Variants in CLASRP observed in about 807,000 individuals in gnomAD.
CLASRP encodes the protein CLK4-associating serine/arginine rich protein.
CLASRP carries 52 observed loss-of-function variants against 99.9 expected under a neutral mutation model. The ratio of observed to expected loss-of-function variants is 0.52; its 90% CI spans 0.42 to 0.66. CLASRP has a LOEUF of 0.66. Ranked by LOEUF, CLASRP falls within the 30% of genes least tolerant of loss-of-function variation. The pLI is 0.00. For synonymous variants in CLASRP, 379 were observed against 373.0 expected (o/e 1.02, Z -0.18); for missense variants, 848 against 999.2 (o/e 0.85, Z 2.04).
chr19:45,067,224 G>T lies in CLASRP; in HGVS notation c.1410-113G>T. ...GAGAGTAGCAGGAGAGGAGAGTCGA[G>T]CCTGTCACCCTGGGCCTTGCAGGAA... On this transcript the variant is annotated intron_variant, in intron 13 of 20. Transcript: ENST00000221455. This position sits in a 1 kb window ranked among gnomAD's most constrained non-coding sequence, Gnocchi z 4.9. The T allele has an allele frequency of 8.1e-7, 1 of 1,240,696 alleles. No homozygotes were observed. Among genetic ancestry groups the T allele is most frequent in the African/African-American group, 1.5e-5 (1 of 65,390 alleles). The allele number at this position is 1,240,696 out of a possible 1,614,324, so 76.9% of individuals were successfully genotyped here.
intron 4 of CLASRP, 48 bp downstream of exon 4, chr19:45,052,940 G>A (rs200356552): frequency 3.2e-6 from 5 of 1,556,218 alleles, no homozygotes; most frequent in East Asian, 2.3e-5. Context: ...ATACCCAGGA[G>A]CCCCTGTTCT....
At chr19:45,065,263 G>A (rs566762316) in intron 13 of CLASRP, among the ~76,000 whole-genome samples, 2 of 152,056 alleles carry the variant, frequency 1.3e-5, no homozygotes, top group East Asian at 1.9e-4. Flanking sequence ...GGTGGCACAC[G>A]CCTGTAGTCC....
Position 45,068,456 on chromosome 19 carries a change from A to G in CLASRP, c.1744A>G (p.Met582Val). ...LTPQEKLKLR[M>V]QKALNRQFKA... ...GCCTCAGGAGAAGCTGAAACTGAGG[A>G]TGCAGAAGGCGCTGAACAGGCAGTG... The change falls in exon 16 of 21, where the codon ATG (methionine) becomes GTG (valine). Residue 582 changes from methionine (M) to valine (V), a missense_variant. By Grantham distance (21) the Met-to-Val change is conservative. Coordinates refer to ENST00000221455, the MANE Select transcript of CLASRP (RefSeq NM_007056.3). 1.9e-6 allele frequency: 3 copies of G among 1,610,592 alleles called. No homozygotes were observed. Among genetic ancestry groups the G allele is most frequent in the Non-Finnish European group, 1.7e-6 (2 of 1,177,946 alleles).
intron 8 of CLASRP, 124 bp downstream of exon 8, chr19:45,059,488 A>G: frequency 5.1e-6 from 4 of 784,690 alleles, no homozygotes; most frequent in Non-Finnish European, 8.4e-6. Context: ...TGGGCCCAGG[A>G]CTTTACACAT....
Position 45,042,495 on chromosome 19 carries a change from A to C in CLASRP, c.99+2184A>C, listed in dbSNP as rs545407104. Among the ~76,000 whole-genome samples the C allele has an allele frequency of 3.6e-3, 551 of 151,606 alleles. 2 individuals carry two copies. Among genetic ancestry groups the C allele is most frequent in the African/African-American group, 0.013 (523 of 41,258 alleles). On this transcript the variant is annotated intron_variant, in intron 2 of 20. Transcript: ENST00000221455. ...AGCCTGGGCAACAGAGTGAGACTCC[A>C]TCTCAAAAAAAAAATTTATATATAT...
chr19:45,061,740 C>T (rs1001645334), intron 10 of CLASRP, among the ~76,000 whole-genome samples: 8 of 152,060 alleles, frequency 5.3e-5, no homozygotes, highest in Admixed American at 2.6e-4. Flanking sequence ...TCCCAGAGTG[C>T]TGGGATTACA....
Position 45,060,748 on chromosome 19 carries a change from G to A in CLASRP, c.863+121G>A, listed in dbSNP as rs934722966. 4.0e-6 allele frequency: 3 copies of A among 741,120 alleles called. No homozygotes were observed. Among genetic ancestry groups the A allele is most frequent in the South Asian group, 3.7e-5 (2 of 53,618 alleles). 45.9% of individuals were successfully genotyped at this position (741,120 alleles called of 1,614,324 possible). The stretch of plus-strand genomic sequence containing the variant: ...CTTGAGAAAGGAGTCTTTCTAGTGG[G>A]GCGATGCATGGCCATCGTGAAGGTT... On this transcript the variant is annotated intron_variant, in intron 10 of 20. Coordinates refer to ENST00000221455, the MANE Select transcript of CLASRP (RefSeq NM_007056.3). This position sits in a 1 kb window ranked among gnomAD's most constrained non-coding sequence, Gnocchi z 4.6.
At chr19:45,054,549 A>G (rs971794686) in intron 5 of CLASRP, among the ~76,000 whole-genome samples, 2 of 152,046 alleles carry the variant, frequency 1.3e-5, no homozygotes, top group African/African-American at 4.8e-5. Flanking sequence ...GCGCCTGGCC[A>G]TCACCCCATG....
chr19:45,063,651 T>C (rs1337427672), intron 11 of CLASRP, among the ~76,000 whole-genome samples: 3 of 151,886 alleles, frequency 2.0e-5, no homozygotes, highest in Admixed American at 6.6e-5. Context: ...GGTTTTGCCT[T>C]GTTGGCCAGG....
Position 45,059,265 on chromosome 19 carries a change from C to T in CLASRP, c.614-3C>T. The T allele has an allele frequency of 6.2e-7, 1 of 1,607,876 alleles. No homozygotes were observed. Among genetic ancestry groups the T allele is most frequent in the Non-Finnish European group, 8.5e-7 (1 of 1,176,924 alleles). On this transcript the variant is annotated splice_polypyrimidine_tract_variant and splice_region_variant and intron_variant, in intron 7 of 20. Transcript: ENST00000221455. The stretch of plus-strand genomic sequence containing the variant: ...GCTCCTGACAGCCTTTCTCTTGGTG[C>T]AGACGTGGAGGTGGACGTGGATGAA...
In CLASRP at chr19:45,062,228, A is replaced by G. The variant is rs751748382; in HGVS notation, c.905+33A>G. 4 of 1,244,288 alleles carry G rather than the reference A, an allele frequency of 3.2e-6. No individual in the cohort carries two copies. The Admixed American group carries it at 6.7e-5, about 21-fold the overall frequency. 77.1% of individuals were successfully genotyped at this position (1,244,288 alleles called of 1,614,324 possible). ...GCTCTGGAGGACCAGGGAATAGCAG[A>G]CAGGGAGCCTCCTGATGGGGACAGG... is the stretch of plus-strand genomic sequence containing the variant. On this transcript the variant is annotated intron_variant, in intron 11 of 20. Transcript: ENST00000221455.
chr19:45,052,877 C>A lies in CLASRP; in HGVS notation c.284C>A (p.Pro95His). 1 of 1,609,768 alleles carries A rather than the reference C, an allele frequency of 6.2e-7. No individual in the cohort carries two copies. Among genetic ancestry groups the A allele is most frequent in the Non-Finnish European group, 8.5e-7 (1 of 1,178,346 alleles). Residue 95 changes from proline (P) to histidine (H), a missense_variant, in exon 4 of 21, where the codon CCT (proline) becomes CAT (histidine). Physicochemically the swap from Pro to His is moderately conservative, Grantham distance 77. Around this residue, in one of 8 missense-constraint regions of CLASRP, gnomAD observed 54 missense variants for 38.7 expected, o/e 1.39. Coordinates refer to ENST00000221455, the MANE Select transcript of CLASRP (RefSeq NM_007056.3). ...HLDHIPDYTP[P>H]LLTTISPEQE... ...GACCACATCCCCGACTACACCCCCC[C>A]TCTGCTCACCACCATGTAAGCCACC...
chr19:45,053,122 A>C lies in CLASRP; in HGVS notation c.324A>C (p.Glu108Asp). The C allele has an allele frequency of 6.2e-7, 1 of 1,614,014 alleles. No individual in the cohort carries two copies. The highest frequency in any genetic ancestry group is 1.3e-5 in the African/African-American group (1 of 75,010). Residue 108 changes from glutamate (E) to aspartate (D), a missense_variant, in exon 5 of 21, where the codon GAA becomes GAC. By Grantham distance (45) the Glu-to-Asp change is conservative. This residue lies in a region of CLASRP where 54 missense variants were observed against 38.7 expected (regional missense o/e 1.39). Transcript: ENST00000221455. The part of the protein sequence containing the change: ...TTISPEQESD[E>D]RKCNYERYRG... ...GCTCCCCAGAACAGGAGTCGGACGA[A>C]CGGAAGTGTAACTACGAGCGCTACA...
rs906709447 is a variant in CLASRP, at chr19:45,064,497, C to T, written c.1276C>T (p.Arg426Cys). The part of the protein sequence containing the change: ...RSRSRSWSRS[R>C]SRSRRYSRSR... ...CCGGTCCCGCTCCTGGTCCCGCTCC[C>T]GCTCCCGCTCCCGGCGCTATTCCCG... is the stretch of plus-strand genomic sequence containing the variant. Residue 426 changes from arginine (R) to cysteine (C), a missense_variant, in exon 13 of 21, where the codon CGC becomes TGC. By Grantham distance (180) the Arg-to-Cys change is radical (BLOSUM62 -3). Coordinates refer to ENST00000221455, the MANE Select transcript of CLASRP (RefSeq NM_007056.3). The T allele has an allele frequency of 5.2e-6, 8 of 1,535,900 alleles. No homozygotes were observed. The highest frequency in any genetic ancestry group is 5.2e-6 in the Non-Finnish European group (6 of 1,145,632).
At chr19:45,050,350 T>G (rs544754066) in intron 2 of CLASRP, among the ~76,000 whole-genome samples, 2 of 152,266 alleles carry the variant, frequency 1.3e-5, no homozygotes, top group East Asian at 3.9e-4. Flanking sequence ...AAGATACCAC[T>G]TCACCCACAC....
Position 45,067,609 on chromosome 19 carries a change from T to A in CLASRP, c.1667+15T>A, listed in dbSNP as rs1487999573. 1 of 1,576,898 alleles carries A rather than the reference T, an allele frequency of 6.3e-7. No individual in the cohort carries two copies. Among genetic ancestry groups the A allele is most frequent in the Non-Finnish European group, 8.6e-7 (1 of 1,162,882 alleles). On this transcript the variant is annotated intron_variant, in intron 14 of 20. Transcript: ENST00000221455. The surrounding 1 kb of genome is among the most constrained non-coding windows in gnomAD (Gnocchi z 4.9). ...AAGCTGAAAAAGTGAGCGGGGCGGG[T>A]CTGGAGGAAGAGGGCTGCCAATCTC... is the stretch of plus-strand genomic sequence containing the variant.
At position 45,040,266 on chromosome 19, in the gene CLASRP, CT is replaced by C; in HGVS notation, c.55del (p.Tyr19ThrfsTer48). 6.2e-7 allele frequency: 1 copy of C among 1,612,468 alleles called. No individual in the cohort carries two copies. The highest frequency in any genetic ancestry group is 1.3e-5 in the African/African-American group (1 of 75,002). On this transcript the variant is annotated frameshift_variant, in exon 2 of 21. Coordinates refer to ENST00000221455, the MANE Select transcript of CLASRP (RefSeq NM_007056.3). LOFTEE classifies it high-confidence loss of function. ...GGAAGCTTCGAGGCATGATGGTCGA[CT>C]ACAAGAAGAGGGCGGAGCGGAGACG... ...ERKLRGMMVD[Y>X]KKRAERRREY...
intron 19 of CLASRP, 31 bp from the exon 20 acceptor site, chr19:45,070,506 G>C: frequency 6.2e-7 from 1 of 1,612,498 alleles, no homozygotes; most frequent in Admixed American, 1.7e-5. Flanking sequence ...CTGGATGTTT[G>C]CTCGCTCTTC....
chr19:45,069,270 TC>T, intron 18 of CLASRP, 22 bp downstream of exon 18: 1 of 1,611,750 alleles, frequency 6.2e-7, no homozygotes. Flanking sequence ...CCCCTCCCTG[TC>T]CCATGGCCAC....
Sources: allele counts gnomAD v4.1 joint callset (sites outside exome capture counted in the v4.1 genomes callset), GRCh38; gene constraint gnomAD v4.1.1; regional missense constraint gnomAD v4.1.1; non-coding constraint Gnocchi (gnomAD v3.1); transcripts MANE v1.5; gene names NCBI Gene and HGNC (gene_info 2026-07-23, HGNC 2026-07-21).